Variants in SRRT observed in about 807,000 individuals in gnomAD.
SRRT encodes the protein serrate RNA effector molecule homolog.
A neutral mutation model predicts 103.2 loss-of-function variants in SRRT; 32 were observed. The ratio of observed to expected loss-of-function variants is 0.31; its 90% confidence interval spans 0.23 to 0.42. The LOEUF (loss-of-function observed/expected upper bound fraction) is 0.42. Ranked by LOEUF, SRRT falls within the 10% of genes least tolerant of loss-of-function variation. SRRT has a pLI of 1.00. For missense variants in SRRT, 986 were observed against 1,207.5 expected, an observed-to-expected ratio of 0.82 and a Z score of 2.72; for synonymous variants, 525 against 449.0, an observed-to-expected ratio of 1.17 and a Z score of -2.14.
intron 13 of SRRT, 112 bp from the exon 14 acceptor site, chr7:100,886,683 A>G (rs1790141065): frequency 6.2e-6 from 8 of 1,282,662 alleles, no homozygotes; most frequent in Non-Finnish European, 8.8e-6. Flanking sequence ...AAAAGGTGCC[A>G]TTTATGTCCG....
Position 100,882,138 on chromosome 7 carries a change from T to C in SRRT, c.484T>C (p.Ser162Pro). 6.2e-7 allele frequency: 1 copy of C among 1,614,096 alleles called. No homozygotes were observed. Among genetic ancestry groups the C allele is most frequent in the Non-Finnish European group, 8.5e-7 (1 of 1,179,996 alleles). ...GGAGTTTCTCCTCTCCCTGGATGAC[T>C]CGGTGGATGAGACGGAGGCCGTCAA... Reference protein sequence around the residue: ...FKEFLLSLDDSVDETEAVKRY... With the variant: ...FKEFLLSLDDPVDETEAVKRY... Residue 162 changes from serine to proline, a missense_variant, in exon 5 of 20, where the codon TCG becomes CCG. Ser to Pro is a moderately conservative substitution (Grantham distance 74). This residue lies in a region of SRRT where 274 missense variants were observed against 358.5 expected (regional missense o/e 0.76). Transcript: ENST00000611405. This position sits in a 1 kb window ranked among gnomAD's most constrained non-coding sequence, Gnocchi z 4.2.
chr7:100,879,681 C>T (rs1816098200), intron 2 of SRRT, among the ~76,000 whole-genome samples: 3 of 151,952 alleles, frequency 2.0e-5, no homozygotes, highest in Admixed American at 1.3e-4. Flanking sequence ...TTGGTGTCCT[C>T]AGTCATTTTT....
Position 100,884,855 on chromosome 7 carries a change from C to T in SRRT, c.1041+17C>T. The T allele has an allele frequency of 1.2e-6, 2 of 1,613,740 alleles. No homozygotes were observed. Among genetic ancestry groups the T allele is most frequent in the Non-Finnish European group, 1.7e-6 (2 of 1,179,798 alleles). ...GCCAAAAAGGTGAGGTGTCTGTGGC[C>T]TGGGGTCAGAGTGTTGGGGCTGGGG... On this transcript the variant is annotated intron_variant, in intron 8 of 19. Transcript: ENST00000611405.
At chr7:100,880,053 C>A (rs1050222431) in intron 2 of SRRT, among the ~76,000 whole-genome samples, 1 of 152,118 alleles carries the variant, frequency 6.6e-6, no homozygotes, top group Non-Finnish European at 1.5e-5. Flanking sequence ...CAGAAGCAGG[C>A]GGGCAGCCAG....
intron 2 of SRRT, chr7:100,880,759 G>A (rs753184565): frequency 1.2e-5 from 5 of 407,878 alleles, no homozygotes; most frequent in Admixed American, 5.3e-5. Context: ...TGCTGCAGCC[G>A]CGACCTGCCC....
Position 100,887,030 on chromosome 7 carries a change from G to A in SRRT, c.1822-17G>A, listed in dbSNP as rs370051555. The stretch of plus-strand genomic sequence containing the variant: ...CGGTGAGGGCAGGAGCTGAACGCTC[G>A]CATTCACTTCCCTTAGGTCTTGGAC... On this transcript the variant is annotated splice_polypyrimidine_tract_variant and intron_variant, in intron 14 of 19. Coordinates refer to ENST00000611405, the MANE Select transcript of SRRT (RefSeq NM_015908.6). The surrounding 1 kb of genome is among the most constrained non-coding windows in gnomAD (Gnocchi z 4.1). The A allele has an allele frequency of 2.9e-5, 46 of 1,613,250 alleles. 1 individual carries two copies. Among genetic ancestry groups the A allele is most frequent in the Admixed American group, 2.2e-4 (13 of 59,972 alleles).
In SRRT at chr7:100,875,712, G is replaced by C; in HGVS notation, c.122G>C (p.Arg41Thr). ...CGTCGAGGGGACGATTGGAATGACA[G>C]GTGAGCCGTTTTTAACTTCATCTTG... The part of the protein sequence containing the change: ...ERRRGDDWND[R>T]EWDRGRERRS... Residue 41 changes from arginine to threonine, a missense_variant and splice_region_variant, in exon 2 of 20, where the codon AGA (arginine) becomes ACA (threonine). This residue lies in a region of SRRT where 274 missense variants were observed against 358.5 expected (regional missense o/e 0.76). Coordinates refer to ENST00000611405, the MANE Select transcript of SRRT (RefSeq NM_015908.6). The C allele has an allele frequency of 6.2e-7, 1 of 1,613,826 alleles. No individual in the cohort carries two copies. Among genetic ancestry groups the C allele is most frequent in the South Asian group, 1.1e-5 (1 of 91,060 alleles).
At chr7:100,881,534 C>T (rs1262172645) in intron 3 of SRRT, 121 bp downstream of exon 3, 41 of 1,564,540 alleles carry the variant, frequency 2.6e-5, no homozygotes, top group African/African-American at 9.5e-5. Flanking sequence ...CATCACCCAT[C>T]GTTACTTTGT....
Position 100,887,099 on chromosome 7 carries a change from A to C in SRRT, c.1874A>C (p.Tyr625Ser). 1.9e-6 allele frequency: 3 copies of C among 1,614,176 alleles called. No homozygotes were observed. The highest frequency in any genetic ancestry group is 2.5e-6 in the Non-Finnish European group (3 of 1,180,034). ...CGCATCGTGCATTCCTTGGATTATTACAACACCTGTGAGTACCCCAACGAG... is the reference window on the plus strand; with the variant it reads ...CGCATCGTGCATTCCTTGGATTATTCCAACACCTGTGAGTACCCCAACGAG... Reference protein sequence around the residue: ...YLRIVHSLDYYNTCEYPNEDE... With the variant: ...YLRIVHSLDYSNTCEYPNEDE... Residue 625 changes from tyrosine to serine, a missense_variant, in exon 15 of 20, where the codon TAC becomes TCC. Tyr to Ser is a moderately radical substitution (Grantham distance 144). Coordinates refer to ENST00000611405, the MANE Select transcript of SRRT (RefSeq NM_015908.6). This position sits in a 1 kb window ranked among gnomAD's most constrained non-coding sequence, Gnocchi z 4.1.
rs763458700 is a variant in SRRT, at chr7:100,885,991, C to A, written c.1458+50C>A. On this transcript the variant is annotated intron_variant, in intron 12 of 19. Transcript: ENST00000611405. The surrounding 1 kb of genome is among the most constrained non-coding windows in gnomAD (Gnocchi z 4.8). ...GGGAAGAGGAAGGGAGACTCTGTGCCACACGGGACCTCTGTGTGACTTTGT... is the reference window on the plus strand; with the variant it reads ...GGGAAGAGGAAGGGAGACTCTGTGCAACACGGGACCTCTGTGTGACTTTGT... 5 of 1,580,688 alleles carry A rather than the reference C, an allele frequency of 3.2e-6. No individual in the cohort carries two copies. The South Asian group carries it at 5.5e-5, about 18-fold the overall frequency.
intron 2 of SRRT, among the ~76,000 whole-genome samples, chr7:100,879,858 G>A (rs898172412): frequency 2.0e-5 from 3 of 152,000 alleles, no homozygotes; most frequent in Non-Finnish European, 4.4e-5. Context: ...GGGGGAGGCT[G>A]GTGATTGGTT....
intron 12 of SRRT, 127 bp downstream of exon 12, chr7:100,886,068 A>G (rs1221236399): frequency 1.1e-5 from 14 of 1,328,698 alleles, no homozygotes; most frequent in Middle Eastern, 2.6e-4. Context: ...TTGTCTGGCT[A>G]CGTTGTCTCT....
At chr7:100,879,925 C>T (rs193186798) in intron 2 of SRRT, among the ~76,000 whole-genome samples, 201 of 152,206 alleles carry the variant, frequency 1.3e-3, no homozygotes, top group Non-Finnish European at 2.5e-3. Context: ...GGAGTGACAG[C>T]CAGGAGCCCA....
At position 100,888,128 on chromosome 7, in the gene SRRT, A is replaced by T. The variant is rs992987251; in HGVS notation, c.2413A>T (p.Ile805Phe). ...LMPYGQPRPP[I>F]LGYGAGAVRP... is the part of the protein sequence containing the mutation. ...GCCCTATGGTCAGCCCCGGCCCCCG[A>T]TCTTGGGCTATGGAGGTAAGTACAG... The change falls in exon 18 of 20, where the codon ATC (isoleucine) becomes TTC (phenylalanine). Residue 805 changes from isoleucine (I) to phenylalanine (F), a missense_variant. Ile to Phe is a conservative substitution (Grantham distance 21, BLOSUM62 0). Around this residue, in one of 6 missense-constraint regions of SRRT, gnomAD observed 178 missense variants for 189.6 expected, o/e 0.94. Transcript: ENST00000611405. The T allele has an allele frequency of 5.0e-6, 8 of 1,610,220 alleles. No individual in the cohort carries two copies. In the African/African-American group the frequency reaches 9.4e-5, roughly 19 times the overall value.
In SRRT at chr7:100,887,683, C is replaced by A; in HGVS notation, c.2170-20C>A. On this transcript the variant is annotated intron_variant, in intron 16 of 19. Coordinates refer to ENST00000611405, the MANE Select transcript of SRRT (RefSeq NM_015908.6). This position sits in a 1 kb window ranked among gnomAD's most constrained non-coding sequence, Gnocchi z 4.1. Reference sequence around the variant, plus strand: ...CAACCCTTATGTGGCTGTCCTGACCCCTCTCCTCTCTCCACCCAGGGTCCT... The same window carrying A: ...CAACCCTTATGTGGCTGTCCTGACCACTCTCCTCTCTCCACCCAGGGTCCT... The A allele has an allele frequency of 6.2e-7, 1 of 1,600,176 alleles. No homozygotes were observed. The highest frequency in any genetic ancestry group is 8.6e-7 in the Non-Finnish European group (1 of 1,168,758).
At chr7:100,880,188 G>C (rs189399299) in intron 2 of SRRT, among the ~76,000 whole-genome samples, 1 of 152,220 alleles carries the variant, frequency 6.6e-6, no homozygotes, top group Non-Finnish European at 1.5e-5. Context: ...TAGCGGTGAG[G>C]GTAGTGAATG....
rs748324114 is a variant in SRRT at position 100,887,868 on chromosome 7, C to T, written c.2326+9C>T. ...ACCTGGCCCCGCCCAGAGTAAGATA[C>T]GATCCATGAAGGTCGCATGTGCCCT... On this transcript the variant is annotated intron_variant, in intron 17 of 19. Coordinates refer to ENST00000611405, the MANE Select transcript of SRRT (RefSeq NM_015908.6). This position sits in a 1 kb window ranked among gnomAD's most constrained non-coding sequence, Gnocchi z 4.1. 49 of 1,596,028 alleles carry T rather than the reference C, an allele frequency of 3.1e-5. No homozygotes were observed. The highest frequency in any genetic ancestry group is 5.1e-5 in the Admixed American group (3 of 59,204).
At chr7:100,888,205 A>G in intron 18 of SRRT, 52 bp from the exon 19 acceptor site, 1 of 1,599,780 alleles carries the variant, frequency 6.3e-7, no homozygotes, top group Non-Finnish European at 8.5e-7. Context: ...AAGAAAACAG[A>G]GGATGGAATT....
At chr7:100,883,600 C>T (rs1188495802) in intron 5 of SRRT, among the ~76,000 whole-genome samples, 1 of 152,162 alleles carries the variant, frequency 6.6e-6, no homozygotes, top group African/African-American at 2.4e-5. Flanking sequence ...GCTATCTGGC[C>T]CTCTGTCTTC....
Sources: allele counts gnomAD v4.1 joint callset (sites outside exome capture counted in the v4.1 genomes callset), GRCh38; gene constraint gnomAD v4.1.1; regional missense constraint gnomAD v4.1.1; non-coding constraint Gnocchi (gnomAD v3.1); transcripts MANE v1.5; gene names NCBI Gene and HGNC (gene_info 2026-07-23, HGNC 2026-07-21).